The following ZNF804A variants were observed in gnomAD, a reference collection of about 807,000 sequenced individuals.
The protein encoded by ZNF804A is zinc finger protein 804A.
ZNF804A carries 2 observed loss-of-function variants against 16.5 expected under a neutral mutation model. That is an observed-to-expected ratio of 0.12 (90% confidence interval 0.05 to 0.38). The LOEUF is 0.38. Among genes scored for constraint, ZNF804A ranks in the 10% least tolerant of loss-of-function variants. The pLI is 0.99. For synonymous variants in ZNF804A, 534 were observed against 489.6 expected, an observed-to-expected ratio of 1.09 and a Z score of -1.20; for missense variants, 1,473 against 1,390.7, an observed-to-expected ratio of 1.06 and a Z score of -0.94.
At chr2:184,878,284 G>A (rs1684743769) in intron 2 of ZNF804A, among the ~76,000 whole-genome samples, 1 of 152,038 alleles carries the variant, frequency 6.6e-6, no homozygotes, top group Non-Finnish European at 1.5e-5. Flanking sequence ...AGGACTGAGG[G>A]CACAACTAGA....
intron 1 of ZNF804A, among the ~76,000 whole-genome samples, chr2:184,645,894 A>G (rs1255883104): frequency 6.6e-6 from 1 of 152,164 alleles, no homozygotes; most frequent in East Asian, 1.9e-4. Context: ...AAGCCCCAAT[A>G]CATGAGAGAG....
At chr2:184,803,877 G>T (rs1210532898) in intron 1 of ZNF804A, among the ~76,000 whole-genome samples, 1 of 151,236 alleles carries the variant, frequency 6.6e-6, no homozygotes, top group East Asian at 2.0e-4. Flanking sequence ...TGGGGGGGAG[G>T]GGGGTGATGG....
chr2:184,612,452 G>A (rs1020971137), intron 1 of ZNF804A, among the ~76,000 whole-genome samples: 19 of 148,830 alleles, frequency 1.3e-4, no homozygotes, highest in East Asian at 3.9e-4. Flanking sequence ...TTTTTTTTGG[G>A]GGGGGGACGG....
chr2:184,864,262 G>A (rs756210796), intron 1 of ZNF804A, among the ~76,000 whole-genome samples: 1 of 152,076 alleles, frequency 6.6e-6, no homozygotes, highest in Non-Finnish European at 1.5e-5. Flanking sequence ...GAGAGCTATA[G>A]GAAGATGCTA....
At chr2:184,832,234 A>G (rs188621859) in intron 1 of ZNF804A, among the ~76,000 whole-genome samples, 2 of 152,082 alleles carry the variant, frequency 1.3e-5, no homozygotes, top group Non-Finnish European at 2.9e-5. Flanking sequence ...TAGATATCCA[A>G]ATATCTCCTG....
intron 1 of ZNF804A, among the ~76,000 whole-genome samples, chr2:184,735,022 T>A (rs938750547): frequency 2.6e-5 from 4 of 152,192 alleles, no homozygotes; most frequent in African/African-American, 9.7e-5. Context: ...TATGTCTTTC[T>A]CCAACCACTT....
intron 2 of ZNF804A, among the ~76,000 whole-genome samples, chr2:184,874,994 C>T (rs1574251550): frequency 6.6e-6 from 1 of 152,264 alleles, no homozygotes; most frequent in East Asian, 1.9e-4. Flanking sequence ...GATAACTATA[C>T]ATCTCAATAT....
intron 1 of ZNF804A, among the ~76,000 whole-genome samples, chr2:184,833,168 T>C (rs775714071): frequency 2.0e-5 from 3 of 152,094 alleles, no homozygotes; most frequent in Non-Finnish European, 4.4e-5. Flanking sequence ...GGATTAAGTA[T>C]TTTTTGTAAA....
At chr2:184,828,430 G>A (rs575331457) in intron 1 of ZNF804A, among the ~76,000 whole-genome samples, 37 of 151,630 alleles carry the variant, frequency 2.4e-4, no homozygotes, top group African/African-American at 8.0e-4. Context: ...AAGGAATAAT[G>A]CTTTACTCTT....
At chr2:184,654,376 T>C (rs1195806166) in intron 1 of ZNF804A, among the ~76,000 whole-genome samples, 1 of 151,954 alleles carries the variant, frequency 6.6e-6, no homozygotes, top group Non-Finnish European at 1.5e-5. Context: ...GAGTTGGAAA[T>C]AAGGGCAAAA....
chr2:184,883,922 A>G (rs1684848549), intron 2 of ZNF804A, among the ~76,000 whole-genome samples: 1 of 152,066 alleles, frequency 6.6e-6, no homozygotes, highest in Non-Finnish European at 1.5e-5. Flanking sequence ...CACCACTCCT[A>G]TTTCACATAG....
intron 1 of ZNF804A, among the ~76,000 whole-genome samples, chr2:184,609,221 A>G: frequency 6.6e-6 from 1 of 152,146 alleles, no homozygotes; most frequent in Non-Finnish European, 1.5e-5. Context: ...CAATCATACT[A>G]TTGGTAGTAG....
intron 1 of ZNF804A, among the ~76,000 whole-genome samples, chr2:184,788,213 C>G (rs912794931): frequency 6.6e-6 from 1 of 151,862 alleles, no homozygotes; most frequent in Non-Finnish European, 1.5e-5. Context: ...TATTTTTGTA[C>G]CAGTACCACG....
rs150846184 is a variant in ZNF804A at position 184,678,962 on chromosome 2, C to G, written c.111+79892C>G. ...AATACATTTAAAATATGGAAACAAACCATACATATTATTATAAATATATAG... is the reference window on the plus strand; with the variant it reads ...AATACATTTAAAATATGGAAACAAAGCATACATATTATTATAAATATATAG... On this transcript the variant is annotated intron_variant, in intron 1 of 3. Coordinates refer to ENST00000302277, the MANE Select transcript of ZNF804A (RefSeq NM_194250.2). Among the ~76,000 whole-genome samples, 1,376 of 152,016 alleles carry G rather than the reference C, an allele frequency of 9.1e-3. 22 individuals carry two copies. The highest frequency in any genetic ancestry group is 0.032 in the African/African-American group (1,316 of 41,450).
intron 1 of ZNF804A, among the ~76,000 whole-genome samples, chr2:184,668,902 G>T (rs1411791678): frequency 6.6e-6 from 1 of 151,958 alleles, no homozygotes; most frequent in South Asian, 2.1e-4. Flanking sequence ...TACATTGTGA[G>T]ATCTGCTATT....
chr2:184,598,633 G>T lies in ZNF804A; in HGVS notation c.-327G>T, dbSNP rs1351695334. The T allele has an allele frequency of 2.2e-5, 4 of 183,122 alleles. No individual in the cohort carries two copies. The highest frequency in any genetic ancestry group is 2.1e-3 in the Middle Eastern group (1 of 482). 11.3% of individuals were successfully genotyped at this position (183,122 alleles called of 1,614,324 possible). A position where few individuals can be genotyped will look rare whatever the true frequency, so the allele number is the denominator to read the frequency against. ...CCCGCTCCGCCCGGCCACCGCGCGG[G>T]CACTGACTCCCGCTCGGTTCCGTTT... On this transcript the variant is annotated 5_prime_UTR_variant, in exon 1 of 4. Transcript: ENST00000302277.
intron 1 of ZNF804A, among the ~76,000 whole-genome samples, chr2:184,744,546 C>A (rs910958217): frequency 6.6e-6 from 1 of 151,824 alleles, no homozygotes; most frequent in Admixed American, 6.6e-5. Flanking sequence ...CAGGCCCTCA[C>A]CAAAGTCCGA....
chr2:184,876,646 T>C (rs1222391577), intron 2 of ZNF804A, among the ~76,000 whole-genome samples: 2 of 152,190 alleles, frequency 1.3e-5, no homozygotes, highest in African/African-American at 4.8e-5. Context: ...AAATTGTATA[T>C]TTTGTCTTGA....
At chr2:184,771,910 G>A (rs143177774) in intron 1 of ZNF804A, among the ~76,000 whole-genome samples, 7 of 152,084 alleles carry the variant, frequency 4.6e-5, no homozygotes, top group African/African-American at 1.4e-4. Flanking sequence ...TATGAGAGTC[G>A]TATCCTATCA....
Sources: allele counts gnomAD v4.1 joint callset (sites outside exome capture counted in the v4.1 genomes callset), GRCh38; gene constraint gnomAD v4.1.1; transcripts MANE v1.5; gene names NCBI Gene and HGNC (gene_info 2026-07-23, HGNC 2026-07-21).